LUC7L2: variants seen among roughly 807,000 people sequenced by gnomAD.
The protein encoded by LUC7L2 is LUC7 like 2, pre-mRNA splicing factor.
Under a neutral mutation model 52.8 loss-of-function variants are expected in LUC7L2, and 25 were observed. The ratio of observed to expected loss-of-function variants is 0.47; its 90% CI spans 0.34 to 0.66. LUC7L2 has a LOEUF of 0.66. Among genes scored for constraint, LUC7L2 ranks in the 30% least tolerant of loss-of-function variants. The pLI, the probability that LUC7L2 is intolerant of heterozygous loss-of-function variation, is 0.01. For missense variants in LUC7L2, 328 were observed against 497.8 expected, an observed-to-expected ratio of 0.66 and a Z score of 3.25; for synonymous variants, 144 against 160.9, an observed-to-expected ratio of 0.89 and a Z score of 0.80.
chr7:139,350,334 G>C (rs1585062817), intron 1 of LUC7L2, among the ~76,000 whole-genome samples: 1 of 152,024 alleles, frequency 6.6e-6, no homozygotes, highest in Non-Finnish European at 1.5e-5. Flanking sequence ...TGTTAGCCAG[G>C]ATGGTCTCCA....
intron 6 of LUC7L2, among the ~76,000 whole-genome samples, chr7:139,408,841 C>CAAAA (rs564827916): frequency 1.1e-5 from 1 of 86,968 alleles, no homozygotes; most frequent in African/African-American, 4.2e-5. Context: ...GACTCTGTCT[C>CAAAA]AAAAAAAAAA....
At chr7:139,375,928 A>G (rs1800684233) in intron 1 of LUC7L2, 134 bp from the exon 2 acceptor site, 1 of 851,130 alleles carries the variant, frequency 1.2e-6, no homozygotes, top group Admixed American at 2.9e-5. Flanking sequence ...GGATGTATAT[A>G]AAAACTAATC....
chr7:139,417,746 C>T lies in LUC7L2; in HGVS notation c.1001+17C>T. 5 of 1,608,756 alleles carry T rather than the reference C, an allele frequency of 3.1e-6. No individual in the cohort carries two copies. The highest frequency in any genetic ancestry group is 4.3e-6 in the Non-Finnish European group (5 of 1,175,696). Reference sequence around the variant, plus strand: ...CAAGAGGAGGTATTGATGTGTCAATCAGAGGATATGGAGCTACCTTAATGT... The same window carrying T: ...CAAGAGGAGGTATTGATGTGTCAATTAGAGGATATGGAGCTACCTTAATGT... On this transcript the variant is annotated intron_variant, in intron 9 of 9. Transcript: ENST00000354926.
chr7:139,417,422 G>T (rs990906590), intron 8 of LUC7L2, 116 bp from the exon 9 acceptor site: 7 of 1,287,790 alleles, frequency 5.4e-6, no homozygotes, highest in African/African-American at 4.5e-5. Flanking sequence ...AGCTGACTTG[G>T]AATATAATTG....
chr7:139,373,576 C>T (rs1045783054), intron 1 of LUC7L2, among the ~76,000 whole-genome samples: 1 of 151,532 alleles, frequency 6.6e-6, no homozygotes, highest in Non-Finnish European at 1.5e-5. Flanking sequence ...ATATGTACAA[C>T]TATTATGTAT....
rs978691484 is a variant in LUC7L2 at position 139,359,940 on chromosome 7, G to C, written c.-322G>C. The C allele has an allele frequency of 2.8e-5, 12 of 421,260 alleles. No individual in the cohort carries two copies. In the South Asian group the frequency reaches 3.2e-4, roughly 11 times the overall value. 26.1% of individuals were successfully genotyped at this position (421,260 alleles called of 1,614,324 possible). ...GCGGCGAGCGGCGTCAGAGCTTGAGGGGGGGTTGACGGCTTCTGGCGGGTG... is the reference window on the plus strand; with the variant it reads ...GCGGCGAGCGGCGTCAGAGCTTGAGCGGGGGTTGACGGCTTCTGGCGGGTG... On this transcript the variant is annotated 5_prime_UTR_variant, in exon 1 of 10. Coordinates refer to ENST00000354926, the MANE Select transcript of LUC7L2 (RefSeq NM_016019.5).
intron 8 of LUC7L2, among the ~76,000 whole-genome samples, chr7:139,414,504 C>A (rs945539055): frequency 6.6e-6 from 1 of 152,254 alleles, no homozygotes; most frequent in African/African-American, 2.4e-5. Flanking sequence ...CCAAACTGCC[C>A]TGGGATAGTT....
chr7:139,372,516 C>T (rs1800504912), intron 1 of LUC7L2, among the ~76,000 whole-genome samples: 2 of 151,914 alleles, frequency 1.3e-5, no homozygotes, highest in South Asian at 4.2e-4. Flanking sequence ...CTACTTATTG[C>T]ATGAAGCTTT....
At chr7:139,362,310 C>G (rs183887206) in intron 1 of LUC7L2, among the ~76,000 whole-genome samples, 1 of 151,902 alleles carries the variant, frequency 6.6e-6, no homozygotes, top group East Asian at 1.9e-4. Flanking sequence ...ATAATCAGAA[C>G]ATTCTTTTTT....
intron 1 of LUC7L2, among the ~76,000 whole-genome samples, chr7:139,349,050 A>T (rs549210890): frequency 9.4e-4 from 143 of 152,166 alleles, no homozygotes; most frequent in Non-Finnish European, 1.7e-3. Context: ...GCTACTTTGG[A>T]GGCTGAGGCA....
At chr7:139,420,987 A>G (rs1795878338) in intron 9 of LUC7L2, among the ~76,000 whole-genome samples, 1 of 152,050 alleles carries the variant, frequency 6.6e-6, no homozygotes, top group African/African-American at 2.4e-5. Context: ...TTAAGTAGAG[A>G]CGGGGGTTTC....
intron 1 of LUC7L2, among the ~76,000 whole-genome samples, chr7:139,352,513 T>A (rs1356406801): frequency 6.6e-6 from 1 of 152,066 alleles, no homozygotes; most frequent in African/African-American, 2.4e-5. Context: ...TAAATTATTT[T>A]AAAAAGTTTC....
intron 1 of LUC7L2, chr7:139,375,502 C>T: frequency 1.0e-6 from 1 of 985,518 alleles, no homozygotes; most frequent in Non-Finnish European, 1.2e-6. Flanking sequence ...CTAACTCCTC[C>T]CAGCAGCAAA....
At chr7:139,341,274 T>C (rs945811329) in intron 1 of LUC7L2, 3 of 1,481,816 alleles carry the variant, frequency 2.0e-6, no homozygotes, top group Non-Finnish European at 9.0e-7. Context: ...CGTCAGTCGA[T>C]AGGGGGAGTC....
chr7:139,340,544 A>C (rs184108220), intron 1 of LUC7L2: 8 of 398,246 alleles, frequency 2.0e-5, no homozygotes, highest in East Asian at 1.8e-4. Context: ...GGTGATGTGG[A>C]CTTTTGTTCT....
At chr7:139,367,681 C>T (rs1291259461) in intron 1 of LUC7L2, among the ~76,000 whole-genome samples, 1 of 152,060 alleles carries the variant, frequency 6.6e-6, no homozygotes, top group East Asian at 1.9e-4. Context: ...ATATATATAC[C>T]TAAGCCTGTA....
chr7:139,416,846 A>G (rs2116328324), intron 8 of LUC7L2: 1 of 152,274 alleles, frequency 6.6e-6, no homozygotes, highest in African/African-American at 2.4e-5. Context: ...CCTTCTGTCC[A>G]GGTCTGTCAG....
At chr7:139,349,628 C>T (rs910885736) in intron 1 of LUC7L2, among the ~76,000 whole-genome samples, 4 of 99,464 alleles carry the variant, frequency 4.0e-5, no homozygotes, top group African/African-American at 1.8e-4. Flanking sequence ...CCCCCCCCCA[C>T]CGGATTTTCC....
chr7:139,380,142 G>T (rs1039286684), intron 2 of LUC7L2, among the ~76,000 whole-genome samples: 4 of 152,036 alleles, frequency 2.6e-5, no homozygotes, highest in African/African-American at 9.7e-5. Context: ...TCACACCACT[G>T]CACTCCAGTC....
Sources: gnomAD v4.1 joint callset for allele counts (sites outside exome capture counted in the v4.1 genomes callset) on GRCh38, gnomAD v4.1.1 for gene constraint, MANE v1.5 for transcripts, NCBI Gene and HGNC (gene_info 2026-07-23, HGNC 2026-07-21) for gene names.